Variants in GRIN2B observed in about 807,000 individuals in gnomAD.
GRIN2B encodes the protein glutamate ionotropic receptor NMDA type subunit 2B.
In GRIN2B, 5 loss-of-function variants were observed where a neutral mutation model predicts 114.5. The observed-to-expected ratio is 0.04, with a 90% CI of 0.02 to 0.09. The LOEUF (loss-of-function observed/expected upper bound fraction) is 0.09. Among genes scored for constraint, GRIN2B ranks in the 10% least tolerant of loss-of-function variants. The pLI is 1.00. For synonymous variants in GRIN2B, 787 were observed against 745.1 expected (o/e 1.06, Z -0.92); for missense variants, 1,108 against 1,943.5 (o/e 0.57, Z 8.08).
chr12:13,801,399 C>A (rs1864510313), intron 3 of GRIN2B, among the ~76,000 whole-genome samples: 1 of 151,924 alleles, frequency 6.6e-6, no homozygotes, highest in Non-Finnish European at 1.5e-5. Context: ...CTATTAGGAG[C>A]TCAAAAGATA....
rs150976312 is a variant in GRIN2B, at chr12:13,675,659, G to A, written c.1125+86C>T. ...TTGCTCCACAGGTCTAGGGACAAAA[G>A]CCAAAGGACTACTTTCCTTCATTGT... On this transcript the variant is annotated intron_variant, in intron 5 of 13. Transcript: ENST00000609686. The A allele has an allele frequency of 2.3e-4, 197 of 839,476 alleles. 1 individual carries two copies. The African/African-American group carries it at 3.0e-3, about 13-fold the overall frequency. 52.0% of individuals were successfully genotyped at this position (839,476 alleles called of 1,614,324 possible).
chr12:13,723,158 A>G (rs932350698), intron 4 of GRIN2B, among the ~76,000 whole-genome samples: 9 of 150,894 alleles, frequency 6.0e-5, no homozygotes, highest in African/African-American at 2.2e-4. Context: ...TTATTATTAT[A>G]CTTTAAGTTC....
chr12:13,927,916 G>A (rs1345781171), intron 2 of GRIN2B, among the ~76,000 whole-genome samples: 1 of 125,446 alleles, frequency 8.0e-6, no homozygotes, highest in East Asian at 2.6e-4. Context: ...GCAGTGAGCT[G>A]TGATCCCACC....
At chr12:13,675,283 A>G (rs1277904875) in intron 5 of GRIN2B, among the ~76,000 whole-genome samples, 1 of 152,104 alleles carries the variant, frequency 6.6e-6, no homozygotes, top group Admixed American at 6.6e-5. Flanking sequence ...AATTTCAAAC[A>G]CTGTGATCAA....
chr12:13,736,462 G>T (rs4764029), intron 4 of GRIN2B, among the ~76,000 whole-genome samples: 122,973 of 151,590 alleles, frequency 0.81, 50,190 homozygotes, highest in African/African-American at 0.89. Context: ...CCACTAAAAT[G>T]TCCAGGTCTT....
At chr12:13,954,811 G>GAAAA (rs61525874) in intron 2 of GRIN2B, among the ~76,000 whole-genome samples, 288 of 25,536 alleles carry the variant, frequency 0.011, 49 homozygotes, top group South Asian at 0.044. Context: ...TCCGTCTCAG[G>GAAAA]AAAAAAAAAA....
chr12:13,585,253 C>T (rs773400657), intron 10 of GRIN2B, among the ~76,000 whole-genome samples: 4 of 152,052 alleles, frequency 2.6e-5, no homozygotes, highest in Non-Finnish European at 5.9e-5. Flanking sequence ...TGGGGTGGGG[C>T]GGAAATGTCA....
intron 2 of GRIN2B, among the ~76,000 whole-genome samples, chr12:13,870,617 T>C (rs1056193692): frequency 2.6e-5 from 4 of 152,106 alleles, no homozygotes; most frequent in African/African-American, 4.8e-5. Context: ...AAGAATAAAA[T>C]GTGACTTAAT....
At chr12:13,677,292 C>A (rs1950084415) in intron 4 of GRIN2B, among the ~76,000 whole-genome samples, 1 of 152,112 alleles carries the variant, frequency 6.6e-6, no homozygotes, top group Non-Finnish European at 1.5e-5. Flanking sequence ...TTTTTAACTC[C>A]TCTCATTCAA....
chr12:13,862,631 T>C (rs751297281), intron 3 of GRIN2B, among the ~76,000 whole-genome samples: 1 of 152,122 alleles, frequency 6.6e-6, no homozygotes, highest in Non-Finnish European at 1.5e-5. Flanking sequence ...TTGTAAAATA[T>C]GGTCATGGTA....
chr12:13,595,625 C>A (rs1358601408), intron 10 of GRIN2B, among the ~76,000 whole-genome samples: 2 of 152,202 alleles, frequency 1.3e-5, no homozygotes, highest in Non-Finnish European at 2.9e-5. Flanking sequence ...CCACTTGATG[C>A]CTTCTCAGCC....
At chr12:13,667,333 A>G (rs1949986570) in intron 5 of GRIN2B, among the ~76,000 whole-genome samples, 1 of 152,198 alleles carries the variant, frequency 6.6e-6, no homozygotes, top group Admixed American at 6.5e-5. Flanking sequence ...AACAAAGGAC[A>G]GCCTTCCACC....
chr12:13,765,856 C>G (rs558427929), intron 3 of GRIN2B, among the ~76,000 whole-genome samples: 15 of 151,506 alleles, frequency 9.9e-5, no homozygotes, highest in Non-Finnish European at 2.1e-4. Context: ...CCAACCACTG[C>G]AGCACACGTT....
At chr12:13,745,164 G>A (rs961240929) in intron 4 of GRIN2B, among the ~76,000 whole-genome samples, 3 of 152,112 alleles carry the variant, frequency 2.0e-5, no homozygotes, top group Non-Finnish European at 4.4e-5. Context: ...TGTTAGTTAA[G>A]TTGACCTTGC....
Position 13,555,776 on chromosome 12 carries a change from A to G in GRIN2B, c.*7007T>C, listed in dbSNP as rs1239577061. On this transcript the variant is annotated 3_prime_UTR_variant, in exon 14 of 14. Coordinates refer to ENST00000609686, the MANE Select transcript of GRIN2B (RefSeq NM_000834.5). ...CATGAACATGAAAGGAAAATAAAACAAATTTATCAAGCACAGAATGTGACA... is the reference window on the plus strand; with the variant it reads ...CATGAACATGAAAGGAAAATAAAACGAATTTATCAAGCACAGAATGTGACA... 6.6e-6 allele frequency: 1 copy of G among 152,228 alleles called. No individual in the cohort carries two copies. Among genetic ancestry groups the G allele is most frequent in the African/African-American group, 2.4e-5 (1 of 41,466 alleles). 9.4% of individuals were successfully genotyped at this position (152,228 alleles called of 1,614,324 possible). A position where few individuals can be genotyped will look rare whatever the true frequency, so the allele number is the denominator to read the frequency against.
In GRIN2B at chr12:13,641,483, T is replaced by C. The variant is rs1949715568; in HGVS notation, c.1126-24826A>G. Among the ~76,000 whole-genome samples the C allele has an allele frequency of 2.0e-5, 3 of 152,192 alleles. No individual in the cohort carries two copies. The South Asian group carries it at 6.2e-4, about 32-fold the overall frequency. On this transcript the variant is annotated intron_variant, in intron 5 of 13. Coordinates refer to ENST00000609686, the MANE Select transcript of GRIN2B (RefSeq NM_000834.5). ...CTCTGTCTTTATTTTCTCTGAGTTC[T>C]TGACTTCCTTTTGCCCTTGTCTTTA...
At chr12:13,827,263 A>C (rs1357863994) in intron 3 of GRIN2B, among the ~76,000 whole-genome samples, 3 of 113,134 alleles carry the variant, frequency 2.7e-5, no homozygotes, top group Non-Finnish European at 3.6e-5. Flanking sequence ...GGATTTACTG[A>C]ACTTCTTAAA....
chr12:13,923,273 A>T (rs1460690354), intron 2 of GRIN2B, among the ~76,000 whole-genome samples: 2 of 152,232 alleles, frequency 1.3e-5, no homozygotes, highest in Non-Finnish European at 2.9e-5. Context: ...AGTCTATTTT[A>T]AAATCACATT....
chr12:13,825,496 T>TTGTGTGTGTGTGTGTGTGTGTG (rs55893904), intron 3 of GRIN2B, among the ~76,000 whole-genome samples: 15 of 122,970 alleles, frequency 1.2e-4, no homozygotes, highest in Admixed American at 3.7e-4. Context: ...TATATATATT[T>TTGTGTGTGTGTGTGTGTGTGTG]TGTGTGTGTG....
Sources: allele counts gnomAD v4.1 joint callset (sites outside exome capture counted in the v4.1 genomes callset), GRCh38; gene constraint gnomAD v4.1.1; transcripts MANE v1.5; gene names NCBI Gene and HGNC (gene_info 2026-07-23, HGNC 2026-07-21).